FASN: variants seen among roughly 807,000 people sequenced by gnomAD.
The protein encoded by FASN is 3-hydroxyacyl-[acyl-carrier-protein] dehydratase.
A neutral mutation model predicts 250.0 loss-of-function variants in FASN; 50 were observed. That is an observed-to-expected ratio of 0.20 (90% CI 0.16 to 0.25). The LOEUF (loss-of-function observed/expected upper bound fraction) is 0.25, where lower values mean the gene tolerates loss of function less well. Among genes scored for constraint, FASN ranks in the 10% least tolerant of loss-of-function variants. The pLI, the probability that FASN is intolerant of heterozygous loss-of-function variation, is 1.00. For synonymous variants in FASN, 1,909 were observed against 1,584.0 expected, an observed-to-expected ratio of 1.21 and a Z score of -4.87; for missense variants, 3,031 against 3,498.5, an observed-to-expected ratio of 0.87 and a Z score of 3.37.
rs776923547 is a variant in FASN at position 82,096,358 on chromosome 17, C to T, written c.88G>A (p.Val30Met). The T allele has an allele frequency of 8.7e-6, 14 of 1,612,826 alleles. No individual in the cohort carries two copies. Among genetic ancestry groups the T allele is most frequent in the Admixed American group, 1.7e-5 (1 of 60,016 alleles). ...QEFWDNLIGG[V>M]DMVTDDDRRW... ...CGGTCATCGTCCGTGACCATGTCCA[C>T]ACCGCCGATGAGGTTGTCCCAGAAC... Residue 30 changes from valine (V) to methionine (M), a missense_variant, in exon 2 of 43, where the codon GTG (valine) becomes ATG (methionine). By Grantham distance (21) the Val-to-Met change is conservative (BLOSUM62 1). Transcript: ENST00000306749.
At position 82,087,066 on chromosome 17, in the gene FASN, C is replaced by T. The variant is rs568485065; in HGVS notation, c.3411G>A (p.Glu1137=). The change falls in exon 21 of 43, where the codon GAG becomes GAA. Residue 1137 remains glutamate, a synonymous_variant. Transcript: ENST00000306749. The part of the protein sequence containing the change: ...CLSERAALQE[E]LQLCKGLVQA... ...GGACCTCACCCTTGCACAGTTGCAG[C>T]TCCTCCTGCAGGGCAGCGCGCTCAG... 2 of 1,611,352 alleles carry T rather than the reference C, an allele frequency of 1.2e-6. No individual in the cohort carries two copies. Among genetic ancestry groups the T allele is most frequent in the African/African-American group, 2.7e-5 (2 of 75,016 alleles).
In FASN at chr17:82,079,553, A is replaced by C; in HGVS notation, c.7202T>G (p.Val2401Gly). The C allele has an allele frequency of 6.2e-7, 1 of 1,607,560 alleles. No homozygotes were observed. The highest frequency in any genetic ancestry group is 8.5e-7 in the Non-Finnish European group (1 of 1,179,900). Residue 2401 changes from valine to glycine, a missense_variant, in exon 42 of 43, where the codon GTG becomes GGG. Transcript: ENST00000306749. ...CTGGTGGCTCTTGATGATCAGGTCCACGGCGGCTGCCACACGCTCCTCTAG... is the reference window on the plus strand; with the variant it reads ...CTGGTGGCTCTTGATGATCAGGTCCCCGGCGGCTGCCACACGCTCCTCTAG... Reference protein sequence around the residue: ...KGLEERVAAAVDLIIKSHQGL... With the variant: ...KGLEERVAAAGDLIIKSHQGL...
chr17:82,096,481 C>T (rs1164720264), intron 1 of FASN, 29 bp from the exon 2 acceptor site: 8 of 1,607,312 alleles, frequency 5.0e-6, no homozygotes, highest in East Asian at 2.2e-5. Flanking sequence ...GAGTGCCCCA[C>T]ACATCCCGGC....
At chr17:82,089,549 G>A (rs1418828457) in intron 12 of FASN, 83 bp downstream of exon 12, 60 of 1,539,822 alleles carry the variant, frequency 3.9e-5, no homozygotes, top group Non-Finnish European at 4.6e-5. Flanking sequence ...TTGGTGGGGC[G>A]TAGACCGTGG....
intron 26 of FASN, 29 bp from the exon 27 acceptor site, chr17:82,084,745 C>T (rs376796601): frequency 1.7e-4 from 262 of 1,549,998 alleles, no homozygotes; most frequent in Non-Finnish European, 2.1e-4. Flanking sequence ...GGGGCTGCTG[C>T]GGGGCCTTCG....
Position 82,088,887 on chromosome 17 carries a change from C to T in FASN, c.2305-11G>A. On this transcript the variant is annotated splice_polypyrimidine_tract_variant and intron_variant, in intron 14 of 42. Transcript: ENST00000306749. The stretch of plus-strand genomic sequence containing the variant: ...ACGCTTCAGGACAGCCTGGGGGCGG[C>T]AGGGCAGGTGGGCTCTCTTGGTGCT... 1 of 1,611,770 alleles carries T rather than the reference C, an allele frequency of 6.2e-7. No homozygotes were observed. Among genetic ancestry groups the T allele is most frequent in the Non-Finnish European group, 8.5e-7 (1 of 1,179,210 alleles).
chr17:82,079,153 C>G lies in FASN; in HGVS notation c.7526G>C (p.Arg2509Pro). 1 of 1,611,920 alleles carries G rather than the reference C, an allele frequency of 6.2e-7. No individual in the cohort carries two copies. The highest frequency in any genetic ancestry group is 8.5e-7 in the Non-Finnish European group (1 of 1,179,902). The change falls in exon 43 of 43, where the codon CGG (arginine) becomes CCG (proline). Residue 2509 changes from arginine (R) to proline (P), a missense_variant. Transcript: ENST00000306749. ...SSLAEPRVSV[R>P]EG ...GGCGGGGGCACGGGCCTAGCCCTCC[C>G]GCACGCTCACGCGTGGCTCAGCCAG... is the stretch of plus-strand genomic sequence containing the variant.
chr17:82,084,161 T>C lies in FASN; in HGVS notation c.4920-8A>G. ...GCCGCCTCCTCCAGCGTCCTGGGGA[T>C]GCAGCAGGTGGGTCAGCACAGGCCT... is the stretch of plus-strand genomic sequence containing the variant. On this transcript the variant is annotated splice_polypyrimidine_tract_variant and splice_region_variant and intron_variant, in intron 28 of 42. Transcript: ENST00000306749. 1.2e-6 allele frequency: 2 copies of C among 1,603,128 alleles called. No individual in the cohort carries two copies. Among genetic ancestry groups the C allele is most frequent in the East Asian group, 4.5e-5 (2 of 44,080 alleles).
rs150338098 is a variant in FASN at position 82,082,052 on chromosome 17, G to A, written c.6120C>T (p.Ala2040=). ...GGCGTTTCTCACAGATACGCTCCAT[G>A]GCGGAATTGGCAAAGCCGTAGTTGC... The part of the protein sequence containing the change: ...GQSNYGFANS[A]MERICEKRRH... Residue 2040 remains alanine, a synonymous_variant, in exon 36 of 43, where the codon GCC becomes GCT. Transcript: ENST00000306749. The A allele has an allele frequency of 1.2e-5, 19 of 1,610,452 alleles. No homozygotes were observed. In the African/African-American group the frequency reaches 2.3e-4, roughly 19 times the overall value.
In FASN at chr17:82,087,517, C is replaced by A. The variant is rs771167672; in HGVS notation, c.3044-13G>T. ...CTCCCCGAGTCACCTGCACACAGGG[C>A]CTGGTTGGTGCTGTGGAACTCCCAG... On this transcript the variant is annotated splice_polypyrimidine_tract_variant and intron_variant, in intron 19 of 42. Transcript: ENST00000306749. The A allele has an allele frequency of 3.7e-6, 6 of 1,611,532 alleles. No homozygotes were observed. The Admixed American group carries it at 8.3e-5, about 22-fold the overall frequency.
chr17:82,091,114 ACT>A (rs959203408), intron 9 of FASN, 45 bp from the exon 10 acceptor site: 3 of 1,606,566 alleles, frequency 1.9e-6, no homozygotes, highest in Non-Finnish European at 2.5e-6. Flanking sequence ...ATCCCGTGCC[ACT>A]GTGTGCCCAT....
chr17:82,083,685 G>C, intron 30 of FASN, 46 bp from the exon 31 acceptor site: 1 of 1,604,270 alleles, frequency 6.2e-7, no homozygotes, highest in Non-Finnish European at 8.5e-7. Flanking sequence ...TGCAAGCCCA[G>C]CCACCACAGT....
Position 82,082,314 on chromosome 17 carries a change from G to A in FASN, c.6011+9C>T, listed in dbSNP as rs374377526. 61 of 1,611,942 alleles carry A rather than the reference G, an allele frequency of 3.8e-5. No homozygotes were observed. Among genetic ancestry groups the A allele is most frequent in the African/African-American group, 5.3e-5 (4 of 74,942 alleles). On this transcript the variant is annotated intron_variant, in intron 35 of 42. Coordinates refer to ENST00000306749, the MANE Select transcript of FASN (RefSeq NM_004104.5). ...GGCAGAGGCGGGAGCAGGGCTGTGC[G>A]GTACCCACCTGTCCAGGTTCAGGGT...
intron 19 of FASN, 73 bp downstream of exon 19, chr17:82,087,612 G>A: frequency 1.2e-6 from 2 of 1,601,738 alleles, no homozygotes; most frequent in Non-Finnish European, 1.7e-6. Flanking sequence ...CCTAGCTGTG[G>A]GTGCCCTCTG....
At chr17:82,082,830 A>G in intron 33 of FASN, 84 bp downstream of exon 33, 1 of 1,571,430 alleles carries the variant, frequency 6.4e-7, no homozygotes, top group Non-Finnish European at 8.7e-7. Context: ...GTGACAGCCC[A>G]CAATGGTGGG....
chr17:82,081,410 C>A (rs550481906), intron 37 of FASN, 58 bp from the exon 38 acceptor site: 1 of 1,560,468 alleles, frequency 6.4e-7, no homozygotes. Context: ...GGCCTGTATG[C>A]GGCAGGGCTG....
chr17:82,084,319 G>A lies in FASN; in HGVS notation c.4834C>T (p.Arg1612Cys), dbSNP rs768725656. Residue 1612 changes from arginine to cysteine, a missense_variant, in exon 28 of 43, where the codon CGT (arginine) becomes TGT (cysteine). Physicochemically the swap from Arg to Cys is radical, Grantham distance 180. Coordinates refer to ENST00000306749, the MANE Select transcript of FASN (RefSeq NM_004104.5). The stretch of plus-strand genomic sequence containing the variant: ...TTGGCAGGCACCAGTCCCATCACAC[G>A]CTTGCCGCTGGCGTCTCGGCCCGAG... ...EFSGRDASGK[R>C]VMGLVPAKGL... 5.6e-5 allele frequency: 90 copies of A among 1,609,922 alleles called. No homozygotes were observed. The highest frequency in any genetic ancestry group is 1.8e-4 in the Admixed American group (11 of 59,620).
rs762304370 is a variant in FASN, at chr17:82,083,905, G to T, written c.5099-14C>A. 3 of 1,558,284 alleles carry T rather than the reference G, an allele frequency of 1.9e-6. No individual in the cohort carries two copies. The highest frequency in any genetic ancestry group is 2.6e-6 in the Non-Finnish European group (3 of 1,151,092). On this transcript the variant is annotated splice_polypyrimidine_tract_variant and intron_variant, in intron 29 of 42. Coordinates refer to ENST00000306749, the MANE Select transcript of FASN (RefSeq NM_004104.5). ...TCTCAGCCGACCCTGGTGAAGAGAGGAAGCGCGGCTGGTGAGCCAGGGCGG... is the reference window on the plus strand; with the variant it reads ...TCTCAGCCGACCCTGGTGAAGAGAGTAAGCGCGGCTGGTGAGCCAGGGCGG...
chr17:82,083,169 G>C (rs756655797), intron 32 of FASN, 33 bp downstream of exon 32: 1 of 1,611,244 alleles, frequency 6.2e-7, no homozygotes. Flanking sequence ...CCAGAGCCTG[G>C]GGTGCCCGAG....
Sources: gnomAD v4.1 joint callset for allele counts on GRCh38, gnomAD v4.1.1 for gene constraint, MANE v1.5 for transcripts, NCBI Gene and HGNC (gene_info 2026-07-23, HGNC 2026-07-21) for gene names.